Variants in ACADM observed in about 807,000 individuals in gnomAD.
ACADM encodes acyl-CoA dehydrogenase medium chain, also known as medium-chain specific acyl-CoA dehydrogenase, mitochondrial.
A neutral mutation model predicts 58.9 loss-of-function variants in ACADM; 49 were observed. The ratio of observed to expected loss-of-function variants is 0.83; its 90% CI spans 0.66 to 1.06. The LOEUF (loss-of-function observed/expected upper bound fraction) is 1.06, where lower values mean the gene tolerates loss of function less well. ACADM is among the 50% of genes least tolerant of loss of function. ACADM has a pLI of 0.00. For synonymous variants in ACADM, 160 were observed against 157.7 expected, an observed-to-expected ratio of 1.01 and a Z score of -0.11; for missense variants, 496 against 507.0, an observed-to-expected ratio of 0.98 and a Z score of 0.21.
At position 75,733,667 on chromosome 1, in the gene ACADM, TG is replaced by T. The variant is rs767532171; in HGVS notation, c.387+40del. 3.4e-6 allele frequency: 5 copies of T among 1,471,274 alleles called. No homozygotes were observed. In the African/African-American group the frequency reaches 6.9e-5, roughly 20 times the overall value. The allele number at this position is 1,471,274 out of a possible 1,614,324, so 91.1% of individuals were successfully genotyped here. A position where few individuals can be genotyped will look rare whatever the true frequency, so the allele number is the denominator to read the frequency against. On this transcript the variant is annotated intron_variant, in intron 5 of 11. Transcript: ENST00000370841. Reference sequence around the variant, plus strand: ...AAAATTAACTACCTAACTCAGCTCTTGTTAATGAGATAGTTACTCCTGAAGA... The same window carrying T: ...AAAATTAACTACCTAACTCAGCTCTTTTAATGAGATAGTTACTCCTGAAGA...
Position 75,745,837 on chromosome 1 carries a change from C to G in ACADM, c.631C>G (p.Pro211Ala). ...YFLLARSDPD[P>A]KAPANKAFTG... ...TTTATTGGCACGTTCTGATCCAGAT[C>G]CTAAAGCTCCTGCTAATAAAGCCTT... Residue 211 changes from proline (P) to alanine (A), a missense_variant, in exon 8 of 12, where the codon CCT becomes GCT. Pro to Ala is a conservative substitution (Grantham distance 27). Coordinates refer to ENST00000370841, the MANE Select transcript of ACADM (RefSeq NM_000016.6). 1 of 1,613,792 alleles carries G rather than the reference C, an allele frequency of 6.2e-7. No individual in the cohort carries two copies. The highest frequency in any genetic ancestry group is 8.5e-7 in the Non-Finnish European group (1 of 1,179,876).
rs1647474089 is a variant in ACADM at position 75,739,972 on chromosome 1, T to C, written c.469-8T>C. Reference sequence around the variant, plus strand: ...TAATTTCATTTCTCTTGTTTTTATATATTCAAGGCTTATTGTGTAACAGAA... The same window carrying C: ...TAATTTCATTTCTCTTGTTTTTATACATTCAAGGCTTATTGTGTAACAGAA... On this transcript the variant is annotated splice_polypyrimidine_tract_variant and splice_region_variant and intron_variant, in intron 6 of 11. Transcript: ENST00000370841. 1.3e-6 allele frequency: 2 copies of C among 1,586,856 alleles called. No individual in the cohort carries two copies. The highest frequency in any genetic ancestry group is 8.6e-7 in the Non-Finnish European group (1 of 1,167,648).
At chr1:75,761,459 G>A (rs777880646) in intron 11 of ACADM, 89 bp downstream of exon 11, 3 of 1,425,248 alleles carry the variant, frequency 2.1e-6, no homozygotes, top group Admixed American at 1.7e-5. Flanking sequence ...GAAATTTTAT[G>A]TCCCTAGTAG....
At chr1:75,758,894 A>G (rs1463088838) in intron 10 of ACADM, among the ~76,000 whole-genome samples, 2 of 152,248 alleles carry the variant, frequency 1.3e-5, no homozygotes, top group African/African-American at 4.8e-5. Context: ...CCCAGCCTGC[A>G]GCGGCAACCT....
chr1:75,757,184 A>C (rs973379710), intron 10 of ACADM, among the ~76,000 whole-genome samples: 1 of 152,318 alleles, frequency 6.6e-6, no homozygotes, highest in Admixed American at 6.5e-5. Context: ...GAAGCAATGG[A>C]AACAAAAGCC....
intron 10 of ACADM, among the ~76,000 whole-genome samples, chr1:75,752,692 A>G (rs1648273231): frequency 6.6e-6 from 1 of 152,030 alleles, no homozygotes; most frequent in African/African-American, 2.4e-5. Flanking sequence ...TTTCTCATTA[A>G]TCATGTAAAA....
chr1:75,747,445 C>T (rs1048979470), intron 8 of ACADM, among the ~76,000 whole-genome samples: 14 of 152,060 alleles, frequency 9.2e-5, no homozygotes, highest in Non-Finnish European at 1.3e-4. Flanking sequence ...ATTTAAGCCT[C>T]CTTAAATCTT....
At chr1:75,734,931 C>T (rs1647215717) in intron 6 of ACADM, 60 bp downstream of exon 6, 1 of 1,297,040 alleles carries the variant, frequency 7.7e-7, no homozygotes, top group Admixed American at 1.7e-5. Flanking sequence ...GGTGCTATTT[C>T]TCCTTTTCAG....
In ACADM at chr1:75,731,219, C is replaced by CA. The variant is rs1647143168; in HGVS notation, c.119-1424dup. On this transcript the variant is annotated intron_variant, in intron 2 of 11. Transcript: ENST00000370841. ...GCGTGAACCCGGGAGGCGGAGCTTG[C>CA]AGTGAGCCTAGATTGCGCCACTGCA... 2.3e-5 allele frequency among the ~76,000 whole-genome samples: 3 copies of CA among 130,802 alleles called. No homozygotes were observed. The Admixed American group carries it at 2.9e-4, about 13-fold the overall frequency. 85.8% of individuals were successfully genotyped at this position (130,802 alleles called of 152,430 possible).
At chr1:75,756,830 CA>C (rs1396095733) in intron 10 of ACADM, among the ~76,000 whole-genome samples, 5 of 152,136 alleles carry the variant, frequency 3.3e-5, no homozygotes, top group African/African-American at 1.2e-4. Flanking sequence ...CTACAGTAAC[CA>C]AAACAGCATG....
In ACADM at chr1:75,745,849, G is replaced by C; in HGVS notation, c.643G>C (p.Ala215Pro). 2 of 1,613,910 alleles carry C rather than the reference G, an allele frequency of 1.2e-6. No individual in the cohort carries two copies. The highest frequency in any genetic ancestry group is 1.7e-6 in the Non-Finnish European group (2 of 1,179,930). Residue 215 changes from alanine to proline, a missense_variant, in exon 8 of 12, where the codon GCT becomes CCT. By Grantham distance (27) the Ala-to-Pro change is conservative. Coordinates refer to ENST00000370841, the MANE Select transcript of ACADM (RefSeq NM_000016.6). ...ARSDPDPKAP[A>P]NKAFTGFIVE... ...TTCTGATCCAGATCCTAAAGCTCCT[G>C]CTAATAAAGCCTTTACTGGATTCAT...
intron 1 of ACADM, among the ~76,000 whole-genome samples, chr1:75,726,366 C>CA (rs3831899): frequency 0.12 from 16,496 of 143,080 alleles, 1,173 homozygotes; most frequent in East Asian, 0.25. Context: ...GAGACTCTGT[C>CA]AAAAAAAAAA....
chr1:75,745,595 C>G (rs1161081703), intron 7 of ACADM: 1 of 572,640 alleles, frequency 1.7e-6, no homozygotes, highest in East Asian at 3.1e-5. Flanking sequence ...GGGGGAGGGC[C>G]TACTGTGTTA....
chr1:75,731,291 A>G, intron 2 of ACADM, among the ~76,000 whole-genome samples: 1 of 150,678 alleles, frequency 6.6e-6, no homozygotes, highest in African/African-American at 2.4e-5. Context: ...AAAAAAAAAA[A>G]AAAAAAAAAA....
chr1:75,725,228 A>C (rs1362818765), intron 1 of ACADM, among the ~76,000 whole-genome samples: 1 of 147,916 alleles, frequency 6.8e-6, no homozygotes, highest in African/African-American at 2.6e-5. Flanking sequence ...TAACGTTTCC[A>C]CGTTGCTTAC....
intron 7 of ACADM, chr1:75,743,528 C>T (rs1647702651): frequency 6.2e-6 from 10 of 1,607,308 alleles, no homozygotes; most frequent in East Asian, 2.2e-5. Flanking sequence ...GTCAGTGCCA[C>T]GTACATCATG....
chr1:75,743,838 A>C, intron 7 of ACADM: 2 of 1,404,614 alleles, frequency 1.4e-6, no homozygotes, highest in South Asian at 2.3e-5. Context: ...TGTCAATATA[A>C]TCCCTATATA....
chr1:75,737,281 TATATATATA>T (rs1282665688), intron 6 of ACADM, among the ~76,000 whole-genome samples: 1,210 of 20,100 alleles, frequency 0.06, 95 homozygotes, highest in African/African-American at 0.12. Flanking sequence ...CACACACAAA[TATATATATA>T]TATATATATA....
At chr1:75,733,752 GGTACACACA>G (rs1647191464) in intron 5 of ACADM, 124 bp downstream of exon 5, 2 of 758,180 alleles carry the variant, frequency 2.6e-6, no homozygotes, top group African/African-American at 3.5e-5. Flanking sequence ...AAGGTTAGTG[GGTACACACA>G]GTTTTCTTTA....
Sources: allele counts gnomAD v4.1 joint callset (sites outside exome capture counted in the v4.1 genomes callset), GRCh38; gene constraint gnomAD v4.1.1; transcripts MANE v1.5; gene names NCBI Gene and HGNC (gene_info 2026-07-23, HGNC 2026-07-21).